Variants in SRRM3 observed in about 807,000 individuals in gnomAD.
The protein encoded by SRRM3 is serine/arginine repetitive matrix protein 3.
SRRM3 carries 27 observed loss-of-function variants against 66.2 expected under a neutral mutation model. The observed-to-expected ratio is 0.41, with a 90% confidence interval of 0.30 to 0.56. SRRM3 has a LOEUF of 0.56. SRRM3 is among the 20% of genes least tolerant of loss of function. The pLI, the probability that SRRM3 is intolerant of heterozygous loss-of-function variation, is 0.32. For missense variants in SRRM3, 918 were observed against 991.9 expected, an observed-to-expected ratio of 0.93 and a Z score of 1.00; for synonymous variants, 391 against 414.9, an observed-to-expected ratio of 0.94 and a Z score of 0.70.
intron 2 of SRRM3, among the ~76,000 whole-genome samples, chr7:76,237,613 A>G (rs1554605113): frequency 6.6e-6 from 1 of 152,010 alleles, no homozygotes; most frequent in African/African-American, 2.4e-5. Flanking sequence ...AAAACCTGCA[A>G]ATTCTGCGAA....
chr7:76,285,912 G>A lies in SRRM3; in HGVS notation c.*69G>A, dbSNP rs1802657784. On this transcript the variant is annotated 3_prime_UTR_variant, in exon 15 of 15. Coordinates refer to ENST00000611745, the MANE Select transcript of SRRM3 (RefSeq NM_001110199.3). The surrounding 1 kb of genome is among the most constrained non-coding windows in gnomAD (Gnocchi z 4.1). ...GCGAGGGGCGGGCCCCAGGACCCCA[G>A]TGGGGAGGGGGCTATATCTCCTTGC... 1 of 1,456,980 alleles carries A rather than the reference G, an allele frequency of 6.9e-7. No homozygotes were observed. The highest frequency in any genetic ancestry group is 2.3e-5 in the Admixed American group (1 of 43,852). The allele number at this position is 1,456,980 out of a possible 1,614,324, so 90.3% of individuals were successfully genotyped here.
At chr7:76,283,705 G>A (rs895499299) in intron 14 of SRRM3, 2 of 1,003,626 alleles carry the variant, frequency 2.0e-6, no homozygotes, top group Non-Finnish European at 2.7e-6. Flanking sequence ...GGTCTCTGGG[G>A]CAGCTGTCAG....
chr7:76,217,412 G>A (rs1554602707), intron 1 of SRRM3, among the ~76,000 whole-genome samples: 1 of 152,122 alleles, frequency 6.6e-6, no homozygotes, highest in Non-Finnish European at 1.5e-5. Context: ...AACTTCCCGA[G>A]TAGCTGGAAT....
At chr7:76,256,026 G>A (rs1284476774) in intron 3 of SRRM3, among the ~76,000 whole-genome samples, 2 of 152,062 alleles carry the variant, frequency 1.3e-5, no homozygotes, top group Non-Finnish European at 2.9e-5. Context: ...TCTTTCCCTC[G>A]ATGTATAGAT....
chr7:76,241,628 C>G (rs909672192), intron 2 of SRRM3, among the ~76,000 whole-genome samples: 1 of 152,158 alleles, frequency 6.6e-6, no homozygotes, highest in Non-Finnish European at 1.5e-5. Flanking sequence ...CTTGGCCTCC[C>G]GAGTAGCTGG....
intron 11 of SRRM3, among the ~76,000 whole-genome samples, chr7:76,276,297 A>G (rs1802347061): frequency 6.6e-6 from 1 of 152,136 alleles, no homozygotes; most frequent in African/African-American, 2.4e-5. Flanking sequence ...TGTCCATGCC[A>G]GGAGAGAGGC....
chr7:76,234,280 G>T (rs1427037039), intron 1 of SRRM3, among the ~76,000 whole-genome samples: 1 of 151,698 alleles, frequency 6.6e-6, no homozygotes, highest in Non-Finnish European at 1.5e-5. Flanking sequence ...TCCAAGCCAA[G>T]TTGACTCCCA....
At chr7:76,257,038 T>G (rs6972294) in intron 3 of SRRM3, among the ~76,000 whole-genome samples, 35,905 of 151,960 alleles carry the variant, frequency 0.24, 4,553 homozygotes, top group East Asian at 0.45. Context: ...GCAACCTGTT[T>G]TATCAGCGAG....
Position 76,259,770 on chromosome 7 carries a change from G to A in SRRM3, c.336-136G>A, listed in dbSNP as rs1255516950. On this transcript the variant is annotated intron_variant, in intron 3 of 14. Coordinates refer to ENST00000611745, the MANE Select transcript of SRRM3 (RefSeq NM_001110199.3). ...GCCTAGCCCTGTAAGGCCAGGGGCC[G>A]CAGTTACCCCTCGCCCCTCCCCCAG... 7 of 1,328,376 alleles carry A rather than the reference G, an allele frequency of 5.3e-6. No individual in the cohort carries two copies. In the African/African-American group the frequency reaches 5.8e-5, roughly 11 times the overall value. The allele number at this position is 1,328,376 out of a possible 1,614,324, so 82.3% of individuals were successfully genotyped here.
intron 2 of SRRM3, among the ~76,000 whole-genome samples, chr7:76,244,181 AACCCAC>A (rs1554605938): frequency 6.6e-6 from 1 of 152,134 alleles, no homozygotes. Context: ...CAGCAGGCTG[AACCCAC>A]ACAGACTCCG....
At chr7:76,250,393 C>T (rs532934646) in intron 3 of SRRM3, among the ~76,000 whole-genome samples, 8 of 152,160 alleles carry the variant, frequency 5.3e-5, no homozygotes, top group East Asian at 1.9e-4. Flanking sequence ...CATGACGCCC[C>T]GCTAATTTTT....
intron 11 of SRRM3, among the ~76,000 whole-genome samples, chr7:76,281,125 T>G (rs1171379082): frequency 2.0e-5 from 3 of 150,590 alleles, no homozygotes; most frequent in Non-Finnish European, 3.0e-5. Context: ...TCTCTCTTCC[T>G]CTTTCTCTTC....
At chr7:76,222,771 G>GTA (rs1800758937) in intron 1 of SRRM3, among the ~76,000 whole-genome samples, 2 of 151,882 alleles carry the variant, frequency 1.3e-5, no homozygotes, top group African/African-American at 4.8e-5. Flanking sequence ...ACAGGCACCC[G>GTA]CCACCATGCC....
At chr7:76,246,382 A>G (rs59509777) in intron 2 of SRRM3, among the ~76,000 whole-genome samples, 35,397 of 151,626 alleles carry the variant, frequency 0.23, 4,459 homozygotes, top group East Asian at 0.45. Flanking sequence ...TGGCCAACAT[A>G]GTGAAACCCC....
At chr7:76,220,778 C>T (rs530676183) in intron 1 of SRRM3, among the ~76,000 whole-genome samples, 82 of 152,202 alleles carry the variant, frequency 5.4e-4, no homozygotes, top group Non-Finnish European at 7.6e-4. Context: ...AGCCCTCCCA[C>T]CCCCAGCCAG....
intron 10 of SRRM3, 94 bp from the exon 11 acceptor site, chr7:76,267,164 C>T: frequency 1.6e-6 from 2 of 1,212,798 alleles, no homozygotes; most frequent in South Asian, 3.6e-5. Context: ...GCTCTCTTTC[C>T]CCGTGCTGGG....
intron 2 of SRRM3, among the ~76,000 whole-genome samples, chr7:76,235,984 C>T (rs1295081460): frequency 9.1e-6 from 1 of 109,742 alleles, no homozygotes; most frequent in Non-Finnish European, 1.7e-5. Flanking sequence ...CCAGCCTGGG[C>T]AACAGATCGA....
chr7:76,271,131 A>T (rs1053981769), intron 11 of SRRM3, among the ~76,000 whole-genome samples: 4 of 151,948 alleles, frequency 2.6e-5, no homozygotes, highest in Non-Finnish European at 2.9e-5. Context: ...CGAGAGGTCA[A>T]GTGACTGGCT....
At chr7:76,217,438 CCA>C (rs1800596973) in intron 1 of SRRM3, among the ~76,000 whole-genome samples, 2 of 152,164 alleles carry the variant, frequency 1.3e-5, no homozygotes, top group Non-Finnish European at 2.9e-5. Flanking sequence ...GCGTCTGCCA[CCA>C]CACCCGGCTA....
Sources: allele counts gnomAD v4.1 joint callset (sites outside exome capture counted in the v4.1 genomes callset), GRCh38; gene constraint gnomAD v4.1.1; non-coding constraint Gnocchi (gnomAD v3.1); transcripts MANE v1.5; gene names NCBI Gene and HGNC (gene_info 2026-07-23, HGNC 2026-07-21).